ZFHX3: variants seen among roughly 807,000 people sequenced by gnomAD.
The protein encoded by ZFHX3 is zinc finger homeobox 3, also known as zinc finger homeobox protein 3.
ZFHX3 carries 42 observed loss-of-function variants against 279.1 expected under a neutral mutation model. The ratio of observed to expected loss-of-function variants is 0.15; its 90% CI spans 0.12 to 0.19. The LOEUF is 0.19. Among genes scored for constraint, ZFHX3 ranks in the 10% least tolerant of loss-of-function variants. The probability of loss-of-function intolerance (pLI) is 1.00; values close to 1 mark genes in which losing one functional copy is unlikely to be tolerated. For synonymous variants in ZFHX3, 2,293 were observed against 1,957.8 expected (o/e 1.17, Z -4.52); for missense variants, 4,981 against 4,754.0 (o/e 1.05, Z -1.40).
intron 1 of ZFHX3, chr16:73,014,442 A>C: frequency 6.6e-6 from 1 of 151,914 alleles, no homozygotes; most frequent in African/African-American, 2.4e-5. Context: ...TAAACATACT[A>C]CATCCTTACA....
chr16:73,763,662 T>G (rs1314266910), intron 1 of ZFHX3, among the ~76,000 whole-genome samples: 4 of 152,180 alleles, frequency 2.6e-5, no homozygotes, highest in Admixed American at 2.6e-4. Flanking sequence ...TGGAACCTGT[T>G]ACTTGCTTCT....
intron 1 of ZFHX3, among the ~76,000 whole-genome samples, chr16:73,760,155 A>T (rs2053849698): frequency 6.6e-6 from 1 of 152,152 alleles, no homozygotes; most frequent in South Asian, 2.1e-4. Flanking sequence ...GAATACTATA[A>T]ACACCTCTAT....
chr16:73,439,912 AAAAAAAAAAAAAAAAAAAAACAC>A (rs1485381191), intron 3 of ZFHX3, among the ~76,000 whole-genome samples: 13 of 54,812 alleles, frequency 2.4e-4, no homozygotes, highest in African/African-American at 3.4e-4. Context: ...AGAGGGACAA[AAAAAAAAAAAAAAAAAAAAACAC>A]AAAAAAAAAA....
At chr16:72,896,868 C>T (rs1211586627) in intron 3 of ZFHX3, among the ~76,000 whole-genome samples, 1 of 152,234 alleles carries the variant, frequency 6.6e-6, no homozygotes, top group Non-Finnish European at 1.5e-5. Flanking sequence ...CATTCTGACA[C>T]ACACACACAA....
chr16:72,976,101 T>C (rs1438546513), intron 1 of ZFHX3, among the ~76,000 whole-genome samples: 1 of 152,216 alleles, frequency 6.6e-6, no homozygotes, highest in Non-Finnish European at 1.5e-5. Flanking sequence ...AGGGGAAGCG[T>C]ATTTGTGCAA....
intron 4 of ZFHX3, among the ~76,000 whole-genome samples, chr16:73,289,337 G>T (rs985400125): frequency 2.6e-5 from 4 of 151,956 alleles, no homozygotes; most frequent in Non-Finnish European, 5.9e-5. Flanking sequence ...AGGGCAGGGT[G>T]GGGGGAGGTA....
At chr16:73,888,855 A>G (rs2030434115) in intron 1 of ZFHX3, among the ~76,000 whole-genome samples, 1 of 151,986 alleles carries the variant, frequency 6.6e-6, no homozygotes, top group Admixed American at 6.6e-5. Context: ...AGGCTAAAAA[A>G]AAACCGGGAA....
At chr16:73,496,161 G>C (rs1013691410) in intron 2 of ZFHX3, among the ~76,000 whole-genome samples, 1 of 152,226 alleles carries the variant, frequency 6.6e-6, no homozygotes, top group Non-Finnish European at 1.5e-5. Flanking sequence ...GTGCCCCTTA[G>C]CACAAACTCC....
chr16:73,483,264 A>G (rs2018903842), intron 2 of ZFHX3: 1 of 403,780 alleles, frequency 2.5e-6, no homozygotes, highest in Non-Finnish European at 4.8e-6. Flanking sequence ...CTGCCAGGAC[A>G]AATGCGTACG....
intron 8 of ZFHX3, among the ~76,000 whole-genome samples, chr16:73,080,828 G>A (rs1277289486): frequency 5.9e-5 from 9 of 152,072 alleles, no homozygotes; most frequent in East Asian, 1.9e-4. Context: ...CAATCCTCCC[G>A]CCTTGGCCTC....
intron 4 of ZFHX3, among the ~76,000 whole-genome samples, chr16:72,872,275 G>A (rs1468799867): frequency 6.6e-6 from 1 of 152,048 alleles, no homozygotes; most frequent in African/African-American, 2.4e-5. Context: ...TGAGGAAAAT[G>A]TTCAATGAAA....
At chr16:73,349,979 C>G (rs2016208290) in intron 3 of ZFHX3, among the ~76,000 whole-genome samples, 1 of 150,306 alleles carries the variant, frequency 6.7e-6, no homozygotes, top group Non-Finnish European at 1.5e-5. Context: ...GCCTGATACC[C>G]ATGGCTTTTG....
At chr16:73,720,403 A>G (rs943164865) in intron 1 of ZFHX3, among the ~76,000 whole-genome samples, 1 of 152,238 alleles carries the variant, frequency 6.6e-6, no homozygotes, top group Non-Finnish European at 1.5e-5. Flanking sequence ...AGGGAGAAAA[A>G]TTATATAGAA....
At chr16:73,748,783 T>TTTTA (rs949380257) in intron 1 of ZFHX3, among the ~76,000 whole-genome samples, 10 of 152,224 alleles carry the variant, frequency 6.6e-5, no homozygotes, top group South Asian at 2.1e-4. Context: ...CTCACCTTTC[T>TTTTA]TTTATTTATT....
intron 6 of ZFHX3, among the ~76,000 whole-genome samples, chr16:73,135,522 G>A (rs1020788963): frequency 6.6e-6 from 1 of 152,178 alleles, no homozygotes; most frequent in Admixed American, 6.5e-5. Flanking sequence ...TTTCGACCCT[G>A]CTGCCATTTT....
chr16:73,671,452 C>T (rs558538215), intron 2 of ZFHX3, among the ~76,000 whole-genome samples: 1 of 152,110 alleles, frequency 6.6e-6, no homozygotes, highest in Non-Finnish European at 1.5e-5. Flanking sequence ...GCCAGAGAGA[C>T]AAATACATGG....
At chr16:72,976,577 G>C (rs13334885) in intron 1 of ZFHX3, among the ~76,000 whole-genome samples, 3,126 of 152,308 alleles carry the variant, frequency 0.021, 107 homozygotes, top group African/African-American at 0.072. Flanking sequence ...GGCAGGCAAA[G>C]GAAGGAACTG....
chr16:73,378,313 A>T (rs11860677), intron 3 of ZFHX3, among the ~76,000 whole-genome samples: 1 of 152,046 alleles, frequency 6.6e-6, no homozygotes, highest in Non-Finnish European at 1.5e-5. Context: ...ATTTGCATTT[A>T]CTTGATAACA....
intron 5 of ZFHX3, among the ~76,000 whole-genome samples, chr16:73,161,604 G>A (rs995223296): frequency 6.6e-6 from 1 of 152,178 alleles, no homozygotes; most frequent in Non-Finnish European, 1.5e-5. Flanking sequence ...TGTGGTTTGT[G>A]TATTCCTGCA....
Sources: gnomAD v4.1 joint callset for allele counts (sites outside exome capture counted in the v4.1 genomes callset) on GRCh38, gnomAD v4.1.1 for gene constraint, MANE v1.5 for transcripts, NCBI Gene and HGNC (gene_info 2026-07-23, HGNC 2026-07-21) for gene names.